The following UPF2 variants were observed in gnomAD, a reference collection of about 807,000 sequenced individuals.
The protein encoded by UPF2 is UPF2 regulator of nonsense mediated mRNA decay.
Under a neutral mutation model 141.4 loss-of-function variants are expected in UPF2, and 17 were observed. The observed-to-expected ratio is 0.12, with a 90% CI of 0.08 to 0.18. The LOEUF (loss-of-function observed/expected upper bound fraction) is 0.18, where lower values mean the gene tolerates loss of function less well. Ranked by LOEUF, UPF2 falls within the 10% of genes least tolerant of loss-of-function variation. The probability of loss-of-function intolerance (pLI) is 1.00; values close to 1 mark genes in which losing one functional copy is unlikely to be tolerated. For synonymous variants in UPF2, 540 were observed against 498.0 expected (o/e 1.08, Z -1.12); for missense variants, 1,152 against 1,515.9 (o/e 0.76, Z 3.99).
chr10:11,985,633 AAAAC>A (rs954731378), intron 8 of UPF2, among the ~76,000 whole-genome samples: 4 of 150,304 alleles, frequency 2.7e-5, no homozygotes, highest in Admixed American at 1.3e-4. Context: ...AAAAAAAAAA[AAAAC>A]AAACAAACAA....
chr10:11,938,842 GTTTTTT>G (rs1204744093), intron 18 of UPF2, among the ~76,000 whole-genome samples: 129 of 45,864 alleles, frequency 2.8e-3, no homozygotes, highest in African/African-American at 8.5e-3. Context: ...TCTTAAGCAA[GTTTTTT>G]TTTTGTTTTT....
At chr10:11,944,023 C>A (rs74119910) in intron 16 of UPF2, among the ~76,000 whole-genome samples, 4,321 of 150,510 alleles carry the variant, frequency 0.029, 197 homozygotes, top group African/African-American at 0.096. Context: ...AAAAAAAAAA[C>A]CAAAAACCCA....
chr10:11,946,259 G>A (rs1832998457), intron 16 of UPF2, among the ~76,000 whole-genome samples: 1 of 152,078 alleles, frequency 6.6e-6, no homozygotes, highest in African/African-American at 2.4e-5. Context: ...AAGTTACAAA[G>A]CTTTAGGGCT....
chr10:11,949,681 C>G (rs1048529754), intron 15 of UPF2, among the ~76,000 whole-genome samples: 3 of 152,116 alleles, frequency 2.0e-5, no homozygotes, highest in African/African-American at 7.2e-5. Context: ...AGGATTCAAG[C>G]AGGAAGAAAC....
chr10:12,010,883 A>C (rs1026257039), intron 4 of UPF2, among the ~76,000 whole-genome samples: 1 of 152,140 alleles, frequency 6.6e-6, no homozygotes, highest in African/African-American at 2.4e-5. Context: ...GAAAGGTAGG[A>C]GCATTCTTGA....
intron 3 of UPF2, among the ~76,000 whole-genome samples, chr10:12,025,243 G>C (rs1297145171): frequency 6.6e-6 from 1 of 152,004 alleles, no homozygotes; most frequent in Non-Finnish European, 1.5e-5. Flanking sequence ...AATGAGCAAA[G>C]TCTCCCATCA....
At chr10:12,009,153 C>T (rs901067733) in intron 4 of UPF2, among the ~76,000 whole-genome samples, 76 of 152,042 alleles carry the variant, frequency 5.0e-4, no homozygotes, top group African/African-American at 1.8e-3. Context: ...TATATTGAAA[C>T]TTAAAATGCA....
intron 7 of UPF2, among the ~76,000 whole-genome samples, chr10:11,999,631 C>T (rs1833922423): frequency 6.6e-6 from 1 of 151,826 alleles, no homozygotes. Flanking sequence ...ATCCAGAAAC[C>T]ATACTTTTAG....
chr10:11,959,479 A>T lies in UPF2; in HGVS notation c.2185-123T>A, dbSNP rs1833206897. 1 of 1,042,962 alleles carries T rather than the reference A, an allele frequency of 9.6e-7. No homozygotes were observed. The highest frequency in any genetic ancestry group is 1.3e-6 in the Non-Finnish European group (1 of 753,178). 64.6% of individuals were successfully genotyped at this position (1,042,962 alleles called of 1,614,324 possible). A position where few individuals can be genotyped will look rare whatever the true frequency, so the allele number is the denominator to read the frequency against. ...AATGGGTTAGAAAGGCAAAGAAAGGACTGGGCACTGTGGCTCACACCTATA... is the reference window on the plus strand; with the variant it reads ...AATGGGTTAGAAAGGCAAAGAAAGGTCTGGGCACTGTGGCTCACACCTATA... On this transcript the variant is annotated intron_variant, in intron 11 of 21. Transcript: ENST00000357604. The surrounding 1 kb of genome is among the most constrained non-coding windows in gnomAD (Gnocchi z 5.9).
At chr10:11,958,224 A>T in intron 12 of UPF2, among the ~76,000 whole-genome samples, 1 of 152,164 alleles carries the variant, frequency 6.6e-6, no homozygotes, top group Admixed American at 6.5e-5. Context: ...AGCAATTACT[A>T]TTTCAAAGCC....
chr10:11,947,619 C>CA (rs960854726), intron 16 of UPF2, among the ~76,000 whole-genome samples: 4 of 151,098 alleles, frequency 2.6e-5, no homozygotes, highest in East Asian at 2.0e-4. Flanking sequence ...CCCATCTCTA[C>CA]AAAAAAACCC....
intron 9 of UPF2, among the ~76,000 whole-genome samples, chr10:11,972,566 T>C (rs2131216429): frequency 6.6e-6 from 1 of 152,298 alleles, no homozygotes; most frequent in Non-Finnish European, 1.5e-5. Flanking sequence ...CGGTGCGTGA[T>C]GTGCCCCTCC....
At chr10:11,924,136 C>T (rs1367669926) in intron 21 of UPF2, among the ~76,000 whole-genome samples, 1 of 152,214 alleles carries the variant, frequency 6.6e-6, no homozygotes. Flanking sequence ...ACTTACAGCA[C>T]TGCTGCCGTT....
chr10:11,995,490 TAA>T (rs941590979), intron 8 of UPF2, among the ~76,000 whole-genome samples: 1 of 152,028 alleles, frequency 6.6e-6, no homozygotes, highest in Non-Finnish European at 1.5e-5. Flanking sequence ...TCAAAGAATT[TAA>T]AAAAGAGGTT....
intron 14 of UPF2, among the ~76,000 whole-genome samples, 168 bp from the exon 15 acceptor site, chr10:11,952,417 A>G (rs1833087576): frequency 1.3e-5 from 2 of 148,796 alleles, no homozygotes; most frequent in South Asian, 4.2e-4. Context: ...TATTCCAATC[A>G]TTTCCCTCTG....
intron 21 of UPF2, among the ~76,000 whole-genome samples, chr10:11,928,431 C>T (rs958868662): frequency 6.6e-6 from 1 of 152,102 alleles, no homozygotes; most frequent in Non-Finnish European, 1.5e-5. Flanking sequence ...TAAAAGAGGC[C>T]GGGCGCAGTG....
Position 11,921,033 on chromosome 10 carries a change from G to A in UPF2, c.*265C>T. The A allele has an allele frequency of 1.4e-6, 1 of 700,082 alleles. No individual in the cohort carries two copies. Among genetic ancestry groups the A allele is most frequent in the East Asian group, 2.9e-5 (1 of 34,458 alleles). 43.4% of individuals were successfully genotyped at this position (700,082 alleles called of 1,614,324 possible). A position where few individuals can be genotyped will look rare whatever the true frequency, so the allele number is the denominator to read the frequency against. On this transcript the variant is annotated 3_prime_UTR_variant, in exon 22 of 22. Transcript: ENST00000357604. This position sits in a 1 kb window ranked among gnomAD's most constrained non-coding sequence, Gnocchi z 5.9. ...AGTCAAGTGAACCATCTCATTTCTT[G>A]ACTGCCATTCTCAAGAGAAGATTAA... is the stretch of plus-strand genomic sequence containing the variant.
At chr10:12,036,232 T>G (rs1340023012) in intron 1 of UPF2, among the ~76,000 whole-genome samples, 1 of 152,322 alleles carries the variant, frequency 6.6e-6, no homozygotes, top group East Asian at 1.9e-4. Flanking sequence ...CACCATGTGC[T>G]CTGTAGGAGG....
At chr10:11,984,589 C>T (rs970634417) in intron 8 of UPF2, among the ~76,000 whole-genome samples, 8 of 151,976 alleles carry the variant, frequency 5.3e-5, no homozygotes, top group African/African-American at 1.9e-4. Context: ...CCTCGTGCTA[C>T]CTAGTCTAAG....
Sources: gnomAD v4.1 joint callset for allele counts (sites outside exome capture counted in the v4.1 genomes callset) on GRCh38, gnomAD v4.1.1 for gene constraint, Gnocchi (gnomAD v3.1) non-coding constraint, MANE v1.5 for transcripts, NCBI Gene and HGNC (gene_info 2026-07-23, HGNC 2026-07-21) for gene names.